CPQ: variants seen among roughly 807,000 people sequenced by gnomAD.
CPQ encodes Ser-Met dipeptidase.
A neutral mutation model predicts 45.7 loss-of-function variants in CPQ; 37 were observed. That is an observed-to-expected ratio of 0.81 (90% CI 0.62 to 1.07). CPQ has a LOEUF of 1.07. CPQ is among the 50% of genes least tolerant of loss of function. The pLI is 0.00. For synonymous variants in CPQ, 186 were observed against 205.8 expected (o/e 0.90, Z 0.82); for missense variants, 537 against 572.9 (o/e 0.94, Z 0.64).
intron 3 of CPQ, among the ~76,000 whole-genome samples, chr8:96,861,822 G>T (rs757924217): frequency 2.6e-5 from 4 of 152,086 alleles, no homozygotes; most frequent in Non-Finnish European, 5.9e-5. Flanking sequence ...CCTGACATAA[G>T]ATAGAATATA....
intron 6 of CPQ, among the ~76,000 whole-genome samples, chr8:97,046,313 G>C (rs1810255585): frequency 6.8e-6 from 1 of 147,844 alleles, no homozygotes; most frequent in Non-Finnish European, 1.5e-5. Context: ...CTCATCAAAT[G>C]CTTGTCCTAC....
chr8:97,110,817 G>T (rs553561327), intron 7 of CPQ, among the ~76,000 whole-genome samples: 1 of 152,122 alleles, frequency 6.6e-6, no homozygotes, highest in African/African-American at 2.4e-5. Flanking sequence ...GGAATCCAGC[G>T]AAGGAGCCAG....
intron 1 of CPQ, among the ~76,000 whole-genome samples, chr8:96,687,159 C>A (rs1284544584): frequency 6.6e-6 from 1 of 151,034 alleles, no homozygotes; most frequent in African/African-American, 2.4e-5. Flanking sequence ...TTTTTCTTTT[C>A]TTTTCTTTTC....
At chr8:96,964,649 G>GTAAA (rs1480690278) in intron 4 of CPQ, among the ~76,000 whole-genome samples, 1 of 151,896 alleles carries the variant, frequency 6.6e-6, no homozygotes, top group Admixed American at 6.6e-5. Context: ...AAAGATCTTA[G>GTAAA]TAAATATTTA....
At chr8:96,829,998 A>G (rs781773887) in intron 2 of CPQ, among the ~76,000 whole-genome samples, 3 of 152,154 alleles carry the variant, frequency 2.0e-5, no homozygotes, top group Non-Finnish European at 4.4e-5. Flanking sequence ...AATATTCTCC[A>G]TAAACAAATG....
intron 3 of CPQ, among the ~76,000 whole-genome samples, chr8:96,875,269 A>G (rs911082665): frequency 3.3e-5 from 5 of 151,872 alleles, no homozygotes; most frequent in African/African-American, 7.2e-5. Context: ...CTCCCATTCT[A>G]TGGGTTGCCT....
chr8:96,902,101 G>A (rs996286626), intron 4 of CPQ, among the ~76,000 whole-genome samples: 14 of 152,154 alleles, frequency 9.2e-5, no homozygotes, highest in Admixed American at 2.0e-4. Flanking sequence ...AGGAGGGTCA[G>A]TCAAGGCAAT....
intron 1 of CPQ, among the ~76,000 whole-genome samples, chr8:96,772,529 T>G (rs1430078286): frequency 1.3e-5 from 2 of 152,006 alleles, no homozygotes; most frequent in African/African-American, 4.8e-5. Flanking sequence ...TGTGAATGAC[T>G]TTGCCAGTTA....
At chr8:96,798,333 A>G (rs112432960) in intron 2 of CPQ, among the ~76,000 whole-genome samples, 2,367 of 151,228 alleles carry the variant, frequency 0.016, 39 homozygotes, top group Middle Eastern at 0.031. Flanking sequence ...AGGTCTTACT[A>G]TGTTGCCCAG....
chr8:96,888,683 G>A (rs1327129237), intron 4 of CPQ, among the ~76,000 whole-genome samples: 1 of 152,176 alleles, frequency 6.6e-6, no homozygotes, highest in East Asian at 1.9e-4. Flanking sequence ...ATGTGCTGAT[G>A]TGCACTGGGA....
intron 1 of CPQ, among the ~76,000 whole-genome samples, chr8:96,727,437 T>C (rs190818260): frequency 1.3e-5 from 2 of 152,292 alleles, no homozygotes; most frequent in Admixed American, 1.3e-4. Flanking sequence ...TGACATAAGG[T>C]ATAAAAACAC....
intron 5 of CPQ, among the ~76,000 whole-genome samples, chr8:97,014,235 C>G (rs1203476397): frequency 1.3e-5 from 2 of 152,074 alleles, no homozygotes; most frequent in African/African-American, 2.4e-5. Flanking sequence ...CAGGGATGTT[C>G]GGATAATCTT....
intron 1 of CPQ, among the ~76,000 whole-genome samples, chr8:96,716,387 G>A (rs1809672832): frequency 6.6e-6 from 1 of 152,050 alleles, no homozygotes; most frequent in South Asian, 2.1e-4. Flanking sequence ...ACATGGATAT[G>A]TTCTTTAGTG....
chr8:96,758,131 C>CTAAAT lies in CPQ; in HGVS notation c.-34-26733_-34-26732insTAAAT, dbSNP rs1345936498. ...TAGTTTTTTCTAAATAACTGTGCTT[C>CTAAAT]CACTCATGCTGATTATTTTGCTAAG... On this transcript the variant is annotated intron_variant, in intron 1 of 7. Coordinates refer to ENST00000220763, the MANE Select transcript of CPQ (RefSeq NM_016134.4). Among the ~76,000 whole-genome samples, 723 of 152,250 alleles carry CTAAAT rather than the reference C, an allele frequency of 4.7e-3. 11 individuals are homozygous for CTAAAT. Among genetic ancestry groups the CTAAAT allele is most frequent in the African/African-American group, 0.012 (509 of 41,552 alleles).
chr8:96,721,955 A>G (rs1385713656), intron 1 of CPQ, among the ~76,000 whole-genome samples: 1 of 152,236 alleles, frequency 6.6e-6, no homozygotes, highest in Non-Finnish European at 1.5e-5. Flanking sequence ...TTTAGGTTGC[A>G]GCACAGATTT....
At chr8:96,778,269 C>T (rs774176486) in intron 1 of CPQ, among the ~76,000 whole-genome samples, 2 of 149,728 alleles carry the variant, frequency 1.3e-5, no homozygotes, top group Admixed American at 1.3e-4. Context: ...CAAATATAGA[C>T]GATTAGTAAT....
chr8:96,682,015 A>G (rs997428403), intron 1 of CPQ, among the ~76,000 whole-genome samples: 3 of 152,244 alleles, frequency 2.0e-5, no homozygotes, highest in African/African-American at 7.2e-5. Context: ...TTGATTTTAC[A>G]GGCTCATAGG....
At chr8:96,831,997 C>T (rs1057242073) in intron 2 of CPQ, among the ~76,000 whole-genome samples, 1 of 152,168 alleles carries the variant, frequency 6.6e-6, no homozygotes, top group Non-Finnish European at 1.5e-5. Context: ...AGATATCAAA[C>T]ATTTCTGTCA....
At position 97,058,189 on chromosome 8, in the gene CPQ, A is replaced by G. The variant is rs113876013; in HGVS notation, c.1054-7820A>G. On this transcript the variant is annotated intron_variant, in intron 6 of 7. Transcript: ENST00000220763. ...ATTGGGTTTTAATATGATACACCCT[A>G]TACACCCTAGGATTGAGTAAATATT... Among the ~76,000 whole-genome samples the G allele has an allele frequency of 3.8e-3, 571 of 152,226 alleles. 5 individuals carry two copies. Among genetic ancestry groups the G allele is most frequent in the African/African-American group, 0.013 (527 of 41,544 alleles).
Sources: allele counts gnomAD v4.1 joint callset (sites outside exome capture counted in the v4.1 genomes callset), GRCh38; gene constraint gnomAD v4.1.1; transcripts MANE v1.5; gene names NCBI Gene and HGNC (gene_info 2026-07-23, HGNC 2026-07-21).